Variants in NHS observed in about 807,000 individuals in gnomAD.
NHS encodes the protein actin remodeling regulator NHS.
In NHS, 5 loss-of-function variants were observed where a neutral mutation model predicts 72.5. The observed-to-expected ratio is 0.07, with a 90% CI of 0.04 to 0.14. The LOEUF (loss-of-function observed/expected upper bound fraction) is 0.14. Among genes scored for constraint, NHS ranks in the 10% least tolerant of loss-of-function variants. The pLI, the probability that NHS is intolerant of heterozygous loss-of-function variation, is 1.00. For missense variants in NHS, 1,072 were observed against 1,355.7 expected, an observed-to-expected ratio of 0.79 and a Z score of 3.29; for synonymous variants, 464 against 547.7, an observed-to-expected ratio of 0.85 and a Z score of 2.13.
intron 1 of NHS, among the ~76,000 whole-genome samples, chrX:17,513,326 A>G (rs917365605): frequency 1.8e-5 from 2 of 109,832 alleles, no homozygotes; most frequent in Non-Finnish European, 3.8e-5. Context: ...TAATCTCAAT[A>G]CCTTATTTCT....
intron 1 of NHS, among the ~76,000 whole-genome samples, chrX:17,602,757 T>G (rs1478448467): frequency 9.1e-6 from 1 of 110,124 alleles, no homozygotes; most frequent in African/African-American, 3.3e-5. Flanking sequence ...AGGCAATGTT[T>G]ATGGTTCTTT....
rs934304487 is a variant in NHS, at chrX:17,512,056, T to C, written c.565+135734T>C. ...TGCACAGTAATAGTATGCTTGACAA[T>C]GCACTCTTTATAGGCTGCCTTTCCT... On this transcript the variant is annotated intron_variant, in intron 1 of 8. Transcript: ENST00000676302. Among the ~76,000 whole-genome samples, 5 of 112,004 alleles carry C rather than the reference T, an allele frequency of 4.5e-5. No individual in the cohort carries two copies. The Admixed American group carries it at 4.8e-4, about 11-fold the overall frequency.
chrX:17,587,669 C>T (rs7891535), intron 1 of NHS, among the ~76,000 whole-genome samples: 461 of 112,101 alleles, frequency 4.1e-3, no homozygotes, highest in African/African-American at 0.014. Context: ...GCTGTGTGAA[C>T]GGCAGAGAGC....
chrX:17,627,547 CCTTT>C (rs2065803709), intron 1 of NHS, among the ~76,000 whole-genome samples: 2 of 111,737 alleles, frequency 1.8e-5, no homozygotes, highest in African/African-American at 6.5e-5. Context: ...GGAAGCCAAG[CCTTT>C]CTTTAGCATT....
intron 1 of NHS, among the ~76,000 whole-genome samples, chrX:17,509,259 C>T (rs1364813536): frequency 9.1e-6 from 1 of 110,140 alleles, no homozygotes; most frequent in Non-Finnish European, 1.9e-5. Context: ...CAGAGTCTTA[C>T]TCTGTTGCCC....
At chrX:17,381,341 G>A (rs1370607695) in intron 1 of NHS, among the ~76,000 whole-genome samples, 1 of 111,644 alleles carries the variant, frequency 9.0e-6, no homozygotes, top group Admixed American at 9.5e-5. Flanking sequence ...CAGACCATAA[G>A]TGTTCGTCTT....
chrX:17,732,441 C>T lies in NHS; in HGVS notation c.4933C>T (p.Arg1645Cys), dbSNP rs1238527746. The T allele has an allele frequency of 8.3e-7, 1 of 1,211,303 alleles. No individual in the cohort carries two copies. Among genetic ancestry groups the T allele is most frequent in the African/African-American group, 1.7e-5 (1 of 57,568 alleles). ...TTCTGACGGGAGCCCACATGACGAC[C>T]GTTCCTCCCAGAGTTCAACATAGAC... The part of the protein sequence containing the change: ...ENSDGSPHDD[R>C]SSQSST Residue 1645 changes from arginine (R) to cysteine (C), a missense_variant, in exon 9 of 9, where the codon CGT becomes TGT. Physicochemically the swap from Arg to Cys is radical, Grantham distance 180. Transcript: ENST00000676302.
rs746566127 is a variant in NHS, at chrX:17,724,344, A to G, written c.1154A>G (p.His385Arg). The G allele has an allele frequency of 8.3e-7, 1 of 1,212,049 alleles. No homozygotes were observed. Among genetic ancestry groups the G allele is most frequent in the South Asian group, 1.8e-5 (1 of 57,006 alleles). The change falls in exon 6 of 9, where the codon CAT becomes CGT. Residue 385 changes from histidine (H) to arginine (R), a missense_variant. His to Arg is a conservative substitution (Grantham distance 29). Coordinates refer to ENST00000676302, the MANE Select transcript of NHS (RefSeq NM_001291867.2). The part of the protein sequence containing the change: ...REASIRCSLV[H>R]SQSVLQRRRK... ...GCTAGTATACGCTGCTCTCTGGTTC[A>G]TTCACAATCGGTACTACAGCGGAGA...
intron 1 of NHS, among the ~76,000 whole-genome samples, chrX:17,549,632 G>A (rs1320210491): frequency 1.8e-5 from 2 of 111,912 alleles, no homozygotes; most frequent in Admixed American, 9.5e-5. Context: ...TAGCAGAAGC[G>A]TGAGGGCGCA....
At position 17,728,125 on chromosome X, in the gene NHS, T is replaced by A; in HGVS notation, c.4019T>A (p.Phe1340Tyr). The part of the protein sequence containing the change: ...PTRATDVSNQ[F>Y]KHQFVMSRHH... The stretch of plus-strand genomic sequence containing the variant: ...AGAGCAACAGATGTAAGCAATCAAT[T>A]TAAGCATCAATTTGTTATGAGCCGC... Residue 1340 changes from phenylalanine to tyrosine, a missense_variant, in exon 7 of 9, where the codon TTT becomes TAT. Coordinates refer to ENST00000676302, the MANE Select transcript of NHS (RefSeq NM_001291867.2). The A allele has an allele frequency of 8.3e-7, 1 of 1,211,652 alleles. No individual in the cohort carries two copies. Among genetic ancestry groups the A allele is most frequent in the Non-Finnish European group, 1.1e-6 (1 of 895,460 alleles).
chrX:17,561,569 C>T (rs751734954), intron 1 of NHS, among the ~76,000 whole-genome samples: 198 of 74,212 alleles, frequency 2.7e-3, no homozygotes, highest in Middle Eastern at 7.5e-3. Context: ...CGCGCGCGCG[C>T]GCGCGCACAC....
chrX:17,723,359 T>C (rs1385547533), intron 5 of NHS, among the ~76,000 whole-genome samples: 3 of 112,089 alleles, frequency 2.7e-5, no homozygotes, highest in African/African-American at 6.5e-5. Flanking sequence ...GAAAAATCCA[T>C]GGTGCAGACA....
intron 1 of NHS, among the ~76,000 whole-genome samples, chrX:17,600,040 G>C (rs1387715157): frequency 9.0e-6 from 1 of 111,526 alleles, no homozygotes; most frequent in East Asian, 2.8e-4. Context: ...ATAAATGCCT[G>C]TAATATTTTA....
intron 1 of NHS, among the ~76,000 whole-genome samples, chrX:17,380,300 G>A (rs1383301546): frequency 9.0e-6 from 1 of 110,744 alleles, no homozygotes; most frequent in African/African-American, 3.3e-5. Context: ...TTTCATTGGA[G>A]GGGTGGAGAT....
chrX:17,394,070 A>G (rs2064460043), intron 1 of NHS, among the ~76,000 whole-genome samples: 1 of 110,969 alleles, frequency 9.0e-6, no homozygotes, highest in Non-Finnish European at 1.9e-5. Flanking sequence ...CCATGATTGG[A>G]GAATTGAGGG....
chrX:17,410,597 C>T (rs1470957818), intron 1 of NHS, among the ~76,000 whole-genome samples: 1 of 104,506 alleles, frequency 9.6e-6, no homozygotes, highest in African/African-American at 3.5e-5. Flanking sequence ...CCTTTCCTTT[C>T]CCTTTCCTGG....
At chrX:17,656,084 A>T (rs939599816) in intron 1 of NHS, among the ~76,000 whole-genome samples, 5 of 113,464 alleles carry the variant, frequency 4.4e-5, no homozygotes, top group Non-Finnish European at 9.4e-5. Context: ...GAGAAGAGGC[A>T]GATTCCGAGC....
chrX:17,424,945 G>A (rs936349597), intron 1 of NHS, among the ~76,000 whole-genome samples: 32 of 111,586 alleles, frequency 2.9e-4, no homozygotes, highest in African/African-American at 1.0e-3. Context: ...TGGGGTGGTG[G>A]TGAGGCTAAA....
chrX:17,554,438 G>A (rs910388427), intron 1 of NHS, among the ~76,000 whole-genome samples: 2 of 112,243 alleles, frequency 1.8e-5, no homozygotes, highest in South Asian at 3.8e-4. Flanking sequence ...GATGGTCAGG[G>A]ATGAAAAGGT....
Sources: gnomAD v4.1 joint callset for allele counts (sites outside exome capture counted in the v4.1 genomes callset) on GRCh38, gnomAD v4.1.1 for gene constraint, MANE v1.5 for transcripts, NCBI Gene and HGNC (gene_info 2026-07-23, HGNC 2026-07-21) for gene names.